The following HHAT variants were observed in gnomAD, a reference collection of about 807,000 sequenced individuals.
HHAT encodes the protein protein-cysteine N-palmitoyltransferase HHAT.
In HHAT, 47 loss-of-function variants were observed where a neutral mutation model predicts 70.8. The ratio of observed to expected loss-of-function variants is 0.66; its 90% confidence interval spans 0.53 to 0.85. The LOEUF (loss-of-function observed/expected upper bound fraction) is 0.85. Among genes scored for constraint, HHAT ranks in the 40% least tolerant of loss-of-function variants. The probability of loss-of-function intolerance (pLI) is 0.00; values close to 1 mark genes in which losing one functional copy is unlikely to be tolerated. For synonymous variants in HHAT, 228 were observed against 247.6 expected, an observed-to-expected ratio of 0.92 and a Z score of 0.74; for missense variants, 609 against 604.8, an observed-to-expected ratio of 1.01 and a Z score of -0.07.
intron 9 of HHAT, among the ~76,000 whole-genome samples, chr1:210,519,065 A>G (rs2095108265): frequency 6.6e-6 from 1 of 152,204 alleles, no homozygotes; most frequent in African/African-American, 2.4e-5. Context: ...TCTTAGGGTT[A>G]CAGCAGTCTG....
chr1:210,455,249 T>C (rs1234324084), intron 7 of HHAT, among the ~76,000 whole-genome samples: 1 of 152,182 alleles, frequency 6.6e-6, no homozygotes, highest in African/African-American at 2.4e-5. Flanking sequence ...AAGGTATCTC[T>C]CATTGTGCCT....
intron 2 of HHAT, among the ~76,000 whole-genome samples, chr1:210,352,483 T>A (rs534015813): frequency 2.0e-5 from 3 of 152,174 alleles, no homozygotes; most frequent in Non-Finnish European, 2.9e-5. Flanking sequence ...TACTCTGAAC[T>A]TTTTTAGGGC....
At chr1:210,425,497 C>A (rs1261742614) in intron 7 of HHAT, among the ~76,000 whole-genome samples, 1 of 152,022 alleles carries the variant, frequency 6.6e-6, no homozygotes, top group Non-Finnish European at 1.5e-5. Flanking sequence ...TGTCTTTAAT[C>A]GATCTTGGGT....
intron 2 of HHAT, among the ~76,000 whole-genome samples, chr1:210,350,410 T>C (rs2086910414): frequency 6.6e-6 from 1 of 152,242 alleles, no homozygotes; most frequent in Non-Finnish European, 1.5e-5. Flanking sequence ...TCCATGAATA[T>C]GGACTATTTC....
chr1:210,485,695 G>A (rs1391892190), intron 8 of HHAT, among the ~76,000 whole-genome samples: 1 of 152,188 alleles, frequency 6.6e-6, no homozygotes, highest in African/African-American at 2.4e-5. Flanking sequence ...CAGACAAAGA[G>A]AGAATGAGAA....
At chr1:210,560,896 A>T (rs1187594589) in intron 9 of HHAT, among the ~76,000 whole-genome samples, 6 of 128,492 alleles carry the variant, frequency 4.7e-5, no homozygotes, top group Non-Finnish European at 9.8e-5. Context: ...TTTCTTTTTG[A>T]TTTTAAAGAC....
intron 10 of HHAT, among the ~76,000 whole-genome samples, chr1:210,608,362 A>G (rs1346796521): frequency 2.0e-5 from 3 of 152,220 alleles, no homozygotes; most frequent in African/African-American, 7.2e-5. Flanking sequence ...ATCACCTTTA[A>G]TATATAGTAA....
intron 7 of HHAT, among the ~76,000 whole-genome samples, chr1:210,446,681 G>A (rs1218703034): frequency 2.0e-5 from 3 of 152,176 alleles, no homozygotes; most frequent in African/African-American, 4.8e-5. Flanking sequence ...ACCGCAGGGC[G>A]CTTTTATGAG....
chr1:210,636,454 C>T (rs918039625), intron 11 of HHAT, among the ~76,000 whole-genome samples: 1 of 152,160 alleles, frequency 6.6e-6, no homozygotes, highest in Non-Finnish European at 1.5e-5. Context: ...GATTTTTCTT[C>T]TGCTATCTTA....
At chr1:210,632,619 C>T (rs1671099334) in intron 11 of HHAT, among the ~76,000 whole-genome samples, 1 of 152,210 alleles carries the variant, frequency 6.6e-6, no homozygotes, top group Non-Finnish European at 1.5e-5. Context: ...TTCAAACTGC[C>T]ATGCCAGCTT....
chr1:210,418,367 T>TC (rs762342006), intron 7 of HHAT, 42 bp downstream of exon 7: 59 of 1,526,612 alleles, frequency 3.9e-5, no homozygotes, highest in Non-Finnish European at 4.9e-5. Flanking sequence ...GCCCCAATAG[T>TC]CCAACAGTTA....
intron 7 of HHAT, among the ~76,000 whole-genome samples, chr1:210,434,268 C>T (rs185051998): frequency 4.7e-4 from 71 of 151,792 alleles, no homozygotes; most frequent in African/African-American, 1.6e-3. Flanking sequence ...AATAATCAGA[C>T]GTGAGAAAAT....
At chr1:210,378,137 CCT>C (rs2090368613) in intron 3 of HHAT, among the ~76,000 whole-genome samples, 1 of 152,160 alleles carries the variant, frequency 6.6e-6, no homozygotes, top group African/African-American at 2.4e-5. Context: ...GAGAGCAGTG[CCT>C]CTTTTGTGCA....
At chr1:210,437,918 CA>C (rs1431132605) in intron 7 of HHAT, among the ~76,000 whole-genome samples, 3 of 151,880 alleles carry the variant, frequency 2.0e-5, no homozygotes, top group African/African-American at 7.3e-5. Flanking sequence ...AAATTCCACC[CA>C]CTGTGAGGCT....
At chr1:210,378,809 C>G (rs2090421246) in intron 3 of HHAT, among the ~76,000 whole-genome samples, 1 of 152,178 alleles carries the variant, frequency 6.6e-6, no homozygotes, top group Admixed American at 6.5e-5. Context: ...GTGTTTTCTT[C>G]CATTTCATTT....
chr1:210,561,364 A>G (rs1184963138), intron 9 of HHAT, among the ~76,000 whole-genome samples: 1 of 152,256 alleles, frequency 6.6e-6, no homozygotes, highest in Admixed American at 6.5e-5. Flanking sequence ...GTCTAAATGT[A>G]TAAATAGGTC....
At chr1:210,510,305 A>G (rs932908359) in intron 8 of HHAT, among the ~76,000 whole-genome samples, 3 of 152,170 alleles carry the variant, frequency 2.0e-5, no homozygotes, top group Non-Finnish European at 4.4e-5. Context: ...TCACCCCCGG[A>G]GGCCATGGCT....
At chr1:210,503,219 C>T (rs6697873) in intron 8 of HHAT, among the ~76,000 whole-genome samples, 10,204 of 152,222 alleles carry the variant, frequency 0.067, 970 homozygotes, top group East Asian at 0.36. Context: ...TTTGGCCTTC[C>T]AAAGTGCTGG....
At position 210,674,367 on chromosome 1, in the gene HHAT, C is replaced by A; in HGVS notation, c.1470C>A (p.Tyr490Ter). 1 of 1,613,870 alleles carries A rather than the reference C, an allele frequency of 6.2e-7. No individual in the cohort carries two copies. Among genetic ancestry groups the A allele is most frequent in the Non-Finnish European group, 8.5e-7 (1 of 1,179,734 alleles). Reference protein sequence around the residue: ...SHVGIAWAQTYATD With the variant: ...SHVGIAWAQT ...TGGGCATTGCCTGGGCCCAGACCTA[C>A]GCCACGGACTAATGCTGTTGGGCCC... Residue 490 changes from tyrosine to a stop codon, truncating the protein, a stop_gained, in exon 12 of 12, where the codon TAC becomes TAA. Transcript: ENST00000261458. LOFTEE classifies it high-confidence loss of function.
Sources: gnomAD v4.1 joint callset for allele counts (sites outside exome capture counted in the v4.1 genomes callset) on GRCh38, gnomAD v4.1.1 for gene constraint, MANE v1.5 for transcripts, NCBI Gene and HGNC (gene_info 2026-07-23, HGNC 2026-07-21) for gene names.